Variants in SFXN1 observed in about 807,000 individuals in gnomAD.
The protein encoded by SFXN1 is sideroflexin 1.
A neutral mutation model predicts 39.5 loss-of-function variants in SFXN1; 32 were observed. That is an observed-to-expected ratio of 0.81 (90% CI 0.61 to 1.09). The LOEUF is 1.09. Among genes scored for constraint, SFXN1 ranks in the 50% least tolerant of loss-of-function variants. The pLI, the probability that SFXN1 is intolerant of heterozygous loss-of-function variation, is 0.00. For missense variants in SFXN1, 402 were observed against 407.1 expected, an observed-to-expected ratio of 0.99 and a Z score of 0.11; for synonymous variants, 136 against 146.5, an observed-to-expected ratio of 0.93 and a Z score of 0.52.
chr5:175,510,100 C>G lies in SFXN1; in HGVS notation c.336-9C>G. 1.9e-6 allele frequency: 3 copies of G among 1,607,718 alleles called. No individual in the cohort carries two copies. Among genetic ancestry groups the G allele is most frequent in the Non-Finnish European group, 2.5e-6 (3 of 1,176,630 alleles). ...GATGGTGGGTATGTGACGGATGCCT[C>G]TGTTTTAGGACTACGCCGGCTGTGC... On this transcript the variant is annotated splice_polypyrimidine_tract_variant and intron_variant, in intron 3 of 10. Coordinates refer to ENST00000321442, the MANE Select transcript of SFXN1 (RefSeq NM_022754.7).
At chr5:175,520,708 C>T (rs183612394) in intron 8 of SFXN1, among the ~76,000 whole-genome samples, 2 of 152,294 alleles carry the variant, frequency 1.3e-5, no homozygotes, top group East Asian at 3.9e-4. Flanking sequence ...AGAGCACAGG[C>T]TCTCGCTAAG....
At chr5:175,484,173 A>G (rs1243397939) in intron 1 of SFXN1, 1 of 152,260 alleles carries the variant, frequency 6.6e-6, no homozygotes, top group Non-Finnish European at 1.5e-5. Flanking sequence ...CTGTCCTAGC[A>G]CTGTCCCTAT....
intron 1 of SFXN1, among the ~76,000 whole-genome samples, chr5:175,485,497 T>A (rs1383632777): frequency 6.6e-6 from 1 of 152,184 alleles, no homozygotes; most frequent in Non-Finnish European, 1.5e-5. Context: ...CTTCCATCTC[T>A]TATAGGGAGC....
chr5:175,521,934 A>G lies in SFXN1; in HGVS notation c.790A>G (p.Ser264Gly). The G allele has an allele frequency of 1.9e-6, 3 of 1,602,558 alleles. No individual in the cohort carries two copies. The highest frequency in any genetic ancestry group is 2.6e-6 in the Non-Finnish European group (3 of 1,172,288). ...KAFLKRFPWM[S>G]APIQVGLVGF... ...CTCAACACAGAGGTTCCCATGGATGAGTGCACCCATTCAAGTTGGGTTAGT... is the reference window on the plus strand; with the variant it reads ...CTCAACACAGAGGTTCCCATGGATGGGTGCACCCATTCAAGTTGGGTTAGT... The change falls in exon 9 of 11, where the codon AGT becomes GGT. Residue 264 changes from serine to glycine, a missense_variant. Transcript: ENST00000321442.
At chr5:175,500,711 CT>C (rs1760043590) in intron 2 of SFXN1, among the ~76,000 whole-genome samples, 1 of 152,172 alleles carries the variant, frequency 6.6e-6, no homozygotes, top group African/African-American at 2.4e-5. Context: ...CTCACACTAC[CT>C]GGTCTTAAGA....
chr5:175,486,654 T>A (rs1263034667), intron 1 of SFXN1, among the ~76,000 whole-genome samples: 1 of 152,106 alleles, frequency 6.6e-6, no homozygotes, highest in African/African-American at 2.4e-5. Flanking sequence ...GGCAGACGCC[T>A]GTAGTCCTAG....
chr5:175,512,929 C>T (rs1205230520), intron 6 of SFXN1, among the ~76,000 whole-genome samples: 1 of 151,958 alleles, frequency 6.6e-6, no homozygotes, highest in African/African-American at 2.4e-5. Context: ...AAAGGTACAC[C>T]CTGTTTTAAA....
At position 175,526,919 on chromosome 5, in the gene SFXN1, T is replaced by C; in HGVS notation, c.*185T>C. ...CTGGCGTGGGCCAAGTGCCTGATAC[T>C]CCCTTACACTGAATCATGTTATGAT... On this transcript the variant is annotated 3_prime_UTR_variant, in exon 11 of 11. Coordinates refer to ENST00000321442, the MANE Select transcript of SFXN1 (RefSeq NM_022754.7). The C allele has an allele frequency of 1.7e-6, 1 of 594,844 alleles. No individual in the cohort carries two copies. Among genetic ancestry groups the C allele is most frequent in the Non-Finnish European group, 3.0e-6 (1 of 335,078 alleles). The allele number at this position is 594,844 out of a possible 1,614,324, so 36.8% of individuals were successfully genotyped here.
chr5:175,486,394 T>A (rs187186092), intron 1 of SFXN1, among the ~76,000 whole-genome samples: 28 of 152,370 alleles, frequency 1.8e-4, no homozygotes, highest in Middle Eastern at 3.4e-3. Context: ...AGCTTCCGCA[T>A]AATAAGCGCA....
intron 4 of SFXN1, among the ~76,000 whole-genome samples, chr5:175,511,175 GTTTA>G (rs1299056415): frequency 6.6e-6 from 1 of 152,104 alleles, no homozygotes; most frequent in Admixed American, 6.6e-5. Context: ...AAGTCTGTAT[GTTTA>G]TTTATTTATT....
At chr5:175,522,240 A>G (rs1760904404) in intron 9 of SFXN1, 135 bp from the exon 10 acceptor site, 1 of 869,880 alleles carries the variant, frequency 1.1e-6, no homozygotes, top group Non-Finnish European at 1.7e-6. Context: ...TTACACAAAC[A>G]GGACTTATTT....
At chr5:175,482,741 A>C (rs1329035887) in intron 1 of SFXN1, among the ~76,000 whole-genome samples, 3 of 152,350 alleles carry the variant, frequency 2.0e-5, no homozygotes, top group South Asian at 4.1e-4. Context: ...GACAGAATTG[A>C]GGCTCAGAGG....
At chr5:175,512,760 G>A (rs188370870) in intron 6 of SFXN1, among the ~76,000 whole-genome samples, 101 of 152,236 alleles carry the variant, frequency 6.6e-4, no homozygotes, top group Non-Finnish European at 1.0e-4. Flanking sequence ...ATACAGTAGG[G>A]CCATGTGCGA....
At chr5:175,520,376 A>G (rs996464768) in intron 8 of SFXN1, among the ~76,000 whole-genome samples, 1 of 152,162 alleles carries the variant, frequency 6.6e-6, no homozygotes, top group Non-Finnish European at 1.5e-5. Context: ...GCGAAACACC[A>G]AACATCCTCA....
At chr5:175,506,593 A>G (rs1036841338) in intron 2 of SFXN1, among the ~76,000 whole-genome samples, 1 of 152,232 alleles carries the variant, frequency 6.6e-6, no homozygotes, top group Non-Finnish European at 1.5e-5. Context: ...GCCCAACACT[A>G]GGAGATTGGT....
In SFXN1 at chr5:175,509,056, T is replaced by C. The variant is rs1209781070; in HGVS notation, c.189T>C (p.Leu63=). The C allele has an allele frequency of 6.2e-7, 1 of 1,610,014 alleles. No homozygotes were observed. Among genetic ancestry groups the C allele is most frequent in the Non-Finnish European group, 8.5e-7 (1 of 1,178,540 alleles). The change falls in exon 3 of 11, where the codon CTT becomes CTC. Residue 63 remains leucine, a synonymous_variant. Coordinates refer to ENST00000321442, the MANE Select transcript of SFXN1 (RefSeq NM_022754.7). ...GGCAAGGAATTGTTCCTCCTGGTCT[T>C]ACAGAAAATGAATTGTGGAGAGCAA... ...DYRQGIVPPG[L]TENELWRAKY... is the part of the protein sequence containing the mutation.
chr5:175,480,387 C>T (rs1581254368), intron 1 of SFXN1, among the ~76,000 whole-genome samples: 1 of 151,056 alleles, frequency 6.6e-6, no homozygotes, highest in African/African-American at 2.5e-5. Flanking sequence ...GGCGACAGAG[C>T]AAGACTCCGT....
Position 175,492,141 on chromosome 5 carries a change from A to G in SFXN1, c.38A>G (p.Glu13Gly), listed in dbSNP as rs745724276. ...CTACCACCAAACATTAACATCAAGG[A>G]ACCTCGATGGGATCAAAGCACTTTC... ...GELPPNINIKEPRWDQSTFIG... is the reference protein window; with the variant it reads ...GELPPNINIKGPRWDQSTFIG... The change falls in exon 2 of 11, where the codon GAA becomes GGA. Residue 13 changes from glutamate (E) to glycine (G), a missense_variant. Coordinates refer to ENST00000321442, the MANE Select transcript of SFXN1 (RefSeq NM_022754.7). 2 of 1,613,798 alleles carry G rather than the reference A, an allele frequency of 1.2e-6. No individual in the cohort carries two copies. The highest frequency in any genetic ancestry group is 1.7e-6 in the Non-Finnish European group (2 of 1,179,954).
At chr5:175,525,711 C>G (rs1189147536) in intron 10 of SFXN1, 1 of 152,144 alleles carries the variant, frequency 6.6e-6, no homozygotes, top group Non-Finnish European at 1.5e-5. Context: ...TGGGCTCGAG[C>G]AACCCTCCTG....
Sources: gnomAD v4.1 joint callset for allele counts (sites outside exome capture counted in the v4.1 genomes callset) on GRCh38, gnomAD v4.1.1 for gene constraint, MANE v1.5 for transcripts, NCBI Gene and HGNC (gene_info 2026-07-23, HGNC 2026-07-21) for gene names.